The following CLCN7 variants were observed in gnomAD, a reference collection of about 807,000 sequenced individuals.
CLCN7 encodes H(+)/Cl(-) exchange transporter 7.
A neutral mutation model predicts 102.1 loss-of-function variants in CLCN7; 60 were observed. The ratio of observed to expected loss-of-function variants is 0.59; its 90% CI spans 0.48 to 0.73. The LOEUF (loss-of-function observed/expected upper bound fraction) is 0.73, where lower values mean the gene tolerates loss of function less well. Ranked by LOEUF, CLCN7 falls within the 30% of genes least tolerant of loss-of-function variation. CLCN7 has a pLI of 0.00. For synonymous variants in CLCN7, 560 were observed against 490.5 expected, an observed-to-expected ratio of 1.14 and a Z score of -1.87; for missense variants, 962 against 1,125.7, an observed-to-expected ratio of 0.85 and a Z score of 2.08.
rs2038856818 is a variant in CLCN7, at chr16:1,457,623, A to G, written c.738+71T>C. 1.3e-6 allele frequency: 2 copies of G among 1,496,608 alleles called. No individual in the cohort carries two copies. The highest frequency in any genetic ancestry group is 1.9e-6 in the Non-Finnish European group (2 of 1,078,430). 92.7% of individuals were successfully genotyped at this position (1,496,608 alleles called of 1,614,324 possible). ...GAAGGACCGGTGCTCAGAGACACAC[A>G]TGGGCGTGGCGGCCCTCGCGGGCCC... On this transcript the variant is annotated intron_variant, in intron 8 of 24. Coordinates refer to ENST00000382745, the MANE Select transcript of CLCN7 (RefSeq NM_001287.6). The surrounding 1 kb of genome is among the most constrained non-coding windows in gnomAD (Gnocchi z 5.4).
chr16:1,460,815 C>T lies in CLCN7; in HGVS notation c.484+1G>A. The T allele has an allele frequency of 6.2e-7, 1 of 1,614,018 alleles. No individual in the cohort carries two copies. The highest frequency in any genetic ancestry group is 1.7e-5 in the Admixed American group (1 of 60,034). ...TGCAGCGGCCGCACTGGGAAGGATA[C>T]TGCCCTTGATGACCCTGTACTTGAG... On this transcript the variant is annotated splice_donor_variant, in intron 5 of 24. Transcript: ENST00000382745. LOFTEE classifies it high-confidence loss of function.
At chr16:1,448,808 C>G (rs1314051932) in intron 19 of CLCN7, 42 bp from the exon 20 acceptor site, 1 of 1,603,406 alleles carries the variant, frequency 6.2e-7, no homozygotes, top group East Asian at 2.2e-5. Context: ...GAGTCCACAC[C>G]CACCCCTGGA....
At chr16:1,452,436 T>C in intron 15 of CLCN7, 1 of 404,952 alleles carries the variant, frequency 2.5e-6, no homozygotes, top group Non-Finnish European at 4.6e-6. Flanking sequence ...GACGGAGGTT[T>C]GCATTTCTCC....
intron 17 of CLCN7, chr16:1,449,709 A>ACTCCACGT (rs2038713606): frequency 1.4e-5 from 4 of 293,098 alleles, no homozygotes; most frequent in South Asian, 3.4e-5. Flanking sequence ...AGGCTGCAGA[A>ACTCCACGT]AGCGGGGCAC....
chr16:1,451,401 G>A (rs1299952805), intron 16 of CLCN7, among the ~76,000 whole-genome samples: 1 of 152,170 alleles, frequency 6.6e-6, no homozygotes, highest in African/African-American at 2.4e-5. Flanking sequence ...ACAGAGTCTC[G>A]CTAAGTTGCC....
Position 1,451,736 on chromosome 16 carries a change from C to T in CLCN7, c.1354-20G>A, listed in dbSNP as rs768173583. On this transcript the variant is annotated intron_variant, in intron 15 of 24. Transcript: ENST00000382745. ...AAAGAGCTGTGGGGTCGGGAGAGAGCACACGTTGGGAGGGGAGATGAGCTG... is the reference window on the plus strand; with the variant it reads ...AAAGAGCTGTGGGGTCGGGAGAGAGTACACGTTGGGAGGGGAGATGAGCTG... The T allele has an allele frequency of 1.9e-6, 3 of 1,604,902 alleles. No homozygotes were observed. Among genetic ancestry groups the T allele is most frequent in the East Asian group, 2.2e-5 (1 of 44,690 alleles).
chr16:1,471,548 A>C (rs919446977), intron 1 of CLCN7: 1 of 152,278 alleles, frequency 6.6e-6, no homozygotes, highest in Non-Finnish European at 1.5e-5. Flanking sequence ...GCTACTCAGG[A>C]AGTTGGACAG....
At chr16:1,447,755 T>G (rs1596210932) in intron 21 of CLCN7, 41 bp from the exon 22 acceptor site, 1 of 1,542,884 alleles carries the variant, frequency 6.5e-7, no homozygotes, top group Admixed American at 2.0e-5. Context: ...GGCCCGAGGG[T>G]GGGAGGCTGC....
intron 17 of CLCN7, chr16:1,450,238 G>A (rs2038722775): frequency 5.5e-6 from 3 of 548,052 alleles, no homozygotes; most frequent in Admixed American, 6.2e-5. Flanking sequence ...ACATTCTCAA[G>A]AATAAGGACA....
chr16:1,472,709 T>C (rs866770832), intron 1 of CLCN7: 4 of 152,072 alleles, frequency 2.6e-5, no homozygotes, highest in Non-Finnish European at 5.9e-5. Flanking sequence ...TTATTCCTTC[T>C]ACCTTGTGAA....
rs995877497 is a variant in CLCN7 at position 1,448,912 on chromosome 16, T to A, written c.1797+54A>T. ...CTGTTTGGAGGCTCACAGGGGCCCCTCCCCTATGGCAGCACCCACGCTCTC... is the reference window on the plus strand; with the variant it reads ...CTGTTTGGAGGCTCACAGGGGCCCCACCCCTATGGCAGCACCCACGCTCTC... On this transcript the variant is annotated intron_variant, in intron 19 of 24. Transcript: ENST00000382745. 2.5e-6 allele frequency: 4 copies of A among 1,607,846 alleles called. No homozygotes were observed. In the Admixed American group the frequency reaches 5.0e-5, roughly 20 times the overall value.
At chr16:1,473,247 G>C (rs1265025244) in intron 1 of CLCN7, among the ~76,000 whole-genome samples, 1 of 152,042 alleles carries the variant, frequency 6.6e-6, no homozygotes, top group Non-Finnish European at 1.5e-5. Flanking sequence ...AGGGAGCTGA[G>C]CTGCTGCTTC....
chr16:1,446,202 G>A lies in CLCN7; in HGVS notation c.*429C>T. The A allele has an allele frequency of 1.6e-6, 1 of 625,462 alleles. No individual in the cohort carries two copies. Among genetic ancestry groups the A allele is most frequent in the Non-Finnish European group, 2.8e-6 (1 of 352,364 alleles). The allele number at this position is 625,462 out of a possible 1,614,324, so 38.7% of individuals were successfully genotyped here. A position where few individuals can be genotyped will look rare whatever the true frequency, so the allele number is the denominator to read the frequency against. Reference sequence around the variant, plus strand: ...CTCCCAAGTCTCGAAGACTCCACTGGTGTGGAGGCAGAGGGGCCCTTCCAG... The same window carrying A: ...CTCCCAAGTCTCGAAGACTCCACTGATGTGGAGGCAGAGGGGCCCTTCCAG... On this transcript the variant is annotated 3_prime_UTR_variant, in exon 25 of 25. Transcript: ENST00000382745.
At chr16:1,451,586 A>AT in intron 16 of CLCN7, 37 bp downstream of exon 16, 1 of 1,561,822 alleles carries the variant, frequency 6.4e-7, no homozygotes. Context: ...CCAGGCCCTG[A>AT]TCCCAGGGCC....
Position 1,446,998 on chromosome 16 carries a change from C to A in CLCN7, c.2331+8G>T. 6.3e-7 allele frequency: 1 copy of A among 1,578,800 alleles called. No individual in the cohort carries two copies. The highest frequency in any genetic ancestry group is 8.6e-7 in the Non-Finnish European group (1 of 1,166,864). ...CGGCATGCCTGCACCCCCACCGCCC[C>A]CGCTCACCTGATTGCGGTTGTCCAC... On this transcript the variant is annotated splice_region_variant and intron_variant, in intron 24 of 24. Transcript: ENST00000382745.
chr16:1,467,055 G>C (rs1331909573), intron 1 of CLCN7, among the ~76,000 whole-genome samples: 1 of 150,920 alleles, frequency 6.6e-6, no homozygotes, highest in Non-Finnish European at 1.5e-5. Context: ...CCGTGTTGAT[G>C]ACCCGGTAAG....
At chr16:1,474,282 C>G (rs2039119609) in intron 1 of CLCN7, 2 of 447,324 alleles carry the variant, frequency 4.5e-6, no homozygotes, top group Admixed American at 2.4e-5. Context: ...AGTACAAATA[C>G]TCGTCACTCC....
Position 1,449,265 on chromosome 16 carries a change from C to A in CLCN7, c.1669+11G>T. On this transcript the variant is annotated intron_variant, in intron 18 of 24. Transcript: ENST00000382745. Reference sequence around the variant, plus strand: ...GAGCTCCCCACCCATCGGGCAAGAGCTGGGACATACCCAGCTGGGCAGCAG... The same window carrying A: ...GAGCTCCCCACCCATCGGGCAAGAGATGGGACATACCCAGCTGGGCAGCAG... 6.3e-7 allele frequency: 1 copy of A among 1,581,402 alleles called. No homozygotes were observed. The highest frequency in any genetic ancestry group is 1.8e-5 in the Admixed American group (1 of 55,248).
chr16:1,452,530 C>T (rs1355901721), intron 15 of CLCN7: 4 of 581,358 alleles, frequency 6.9e-6, no homozygotes, highest in Non-Finnish European at 9.2e-6. Context: ...CTGGGGGGAG[C>T]CTCTGGCCCC....
Sources: gnomAD v4.1 joint callset for allele counts (sites outside exome capture counted in the v4.1 genomes callset) on GRCh38, gnomAD v4.1.1 for gene constraint, Gnocchi (gnomAD v3.1) non-coding constraint, MANE v1.5 for transcripts, NCBI Gene and HGNC (gene_info 2026-07-23, HGNC 2026-07-21) for gene names.